The following AGPAT4 variants were observed in gnomAD, a reference collection of about 807,000 sequenced individuals.
AGPAT4 encodes 1-acyl-sn-glycerol-3-phosphate acyltransferase delta.
AGPAT4 carries 15 observed loss-of-function variants against 48.0 expected under a neutral mutation model. That is an observed-to-expected ratio of 0.31 (90% CI 0.21 to 0.48). The LOEUF (loss-of-function observed/expected upper bound fraction) is 0.48. AGPAT4 is among the 20% of genes least tolerant of loss of function. The pLI is 0.99. For synonymous variants in AGPAT4, 178 were observed against 198.7 expected (o/e 0.90, Z 0.88); for missense variants, 314 against 482.5 (o/e 0.65, Z 3.27).
chr6:161,170,116 T>C (rs533074972), intron 2 of AGPAT4, among the ~76,000 whole-genome samples: 1 of 152,302 alleles, frequency 6.6e-6, no homozygotes, highest in East Asian at 1.9e-4. Flanking sequence ...CCCATTCTCA[T>C]GAGGCTCCCG....
chr6:161,207,840 G>A (rs1781419037), intron 2 of AGPAT4, among the ~76,000 whole-genome samples: 1 of 152,124 alleles, frequency 6.6e-6, no homozygotes, highest in South Asian at 2.1e-4. Flanking sequence ...AGGAGTTGCA[G>A]GGGAGAGAGG....
At chr6:161,153,837 C>A (rs1430330500) in intron 4 of AGPAT4, among the ~76,000 whole-genome samples, 1 of 142,278 alleles carries the variant, frequency 7.0e-6, no homozygotes, top group Non-Finnish European at 1.5e-5. Flanking sequence ...TCACACATAG[C>A]CCCAGGGTCA....
At chr6:161,203,729 C>T (rs1362333417) in intron 2 of AGPAT4, among the ~76,000 whole-genome samples, 2 of 152,068 alleles carry the variant, frequency 1.3e-5, no homozygotes, top group African/African-American at 2.4e-5. Context: ...AGCCACAGCG[C>T]CTGGCTGGGA....
rs938822592 is a variant in AGPAT4, at chr6:161,189,638, C to G, written c.179-23221G>C. On this transcript the variant is annotated intron_variant, in intron 2 of 8. Coordinates refer to ENST00000320285, the MANE Select transcript of AGPAT4 (RefSeq NM_020133.3). The surrounding 1 kb of genome is among the most constrained non-coding windows in gnomAD (Gnocchi z 5.3). ...GTCTGTGCTGTACACTTGCACACGG[C>G]AGATCCAGGCCAGCTGCACATCCGT... Among the ~76,000 whole-genome samples, 12 of 152,280 alleles carry G rather than the reference C, an allele frequency of 7.9e-5. No individual in the cohort carries two copies. Among genetic ancestry groups the G allele is most frequent in the African/African-American group, 2.6e-4 (11 of 41,560 alleles).
chr6:161,273,800 C>G (rs955026511), intron 1 of AGPAT4, 138 bp downstream of exon 1: 1 of 149,432 alleles, frequency 6.7e-6, no homozygotes. Flanking sequence ...GCACTCCCCC[C>G]CCGCCCCCGG....
At position 161,218,587 on chromosome 6, in the gene AGPAT4, A is replaced by T. The variant is rs1167836971; in HGVS notation, c.178+13449T>A. Among the ~76,000 whole-genome samples the T allele has an allele frequency of 6.6e-6, 1 of 152,234 alleles. No homozygotes were observed. Among genetic ancestry groups the T allele is most frequent in the Non-Finnish European group, 1.5e-5 (1 of 68,046 alleles). On this transcript the variant is annotated intron_variant, in intron 2 of 8. Transcript: ENST00000320285. The surrounding 1 kb of genome is among the most constrained non-coding windows in gnomAD (Gnocchi z 4.7). ...TCAGAAGCCAAGACTCCAGGCTCCA[A>T]GTGCGTGTTACCATAACACCGGGGC...
At chr6:161,199,860 T>C (rs1195766358) in intron 2 of AGPAT4, among the ~76,000 whole-genome samples, 1 of 152,184 alleles carries the variant, frequency 6.6e-6, no homozygotes, top group African/African-American at 2.4e-5. Context: ...AAACCCCTTT[T>C]CTTCATAAAT....
chr6:161,155,709 C>T lies in AGPAT4; in HGVS notation c.349-1399G>A, dbSNP rs911824159. Among the ~76,000 whole-genome samples the T allele has an allele frequency of 5.9e-5, 9 of 152,296 alleles. No individual in the cohort carries two copies. The highest frequency in any genetic ancestry group is 1.9e-4 in the African/African-American group (8 of 41,572). ...AAAACTTAGCCATGAAATCGGAGGC[C>T]CTATCTCCAGGGGACTCCGGGAACA... On this transcript the variant is annotated intron_variant, in intron 3 of 8. Coordinates refer to ENST00000320285, the MANE Select transcript of AGPAT4 (RefSeq NM_020133.3). This position sits in a 1 kb window ranked among gnomAD's most constrained non-coding sequence, Gnocchi z 5.8.
rs16892196 is a variant in AGPAT4, at chr6:161,137,066, C to T, written c.1043-432G>A. 6.6e-6 allele frequency among the ~76,000 whole-genome samples: 1 copy of T among 152,104 alleles called. No individual in the cohort carries two copies. Among genetic ancestry groups the T allele is most frequent in the Non-Finnish European group, 1.5e-5 (1 of 68,012 alleles). Reference sequence around the variant, plus strand: ...GACGCAAGAGCTCGAGTATCGAGTGCCCAACACGTTTCAGCACTGCTTTTG... The same window carrying T: ...GACGCAAGAGCTCGAGTATCGAGTGTCCAACACGTTTCAGCACTGCTTTTG... On this transcript the variant is annotated intron_variant, in intron 8 of 8. Coordinates refer to ENST00000320285, the MANE Select transcript of AGPAT4 (RefSeq NM_020133.3). This position sits in a 1 kb window ranked among gnomAD's most constrained non-coding sequence, Gnocchi z 6.1.
chr6:161,237,857 T>A (rs991773559), intron 1 of AGPAT4, among the ~76,000 whole-genome samples: 1 of 152,056 alleles, frequency 6.6e-6, no homozygotes, highest in African/African-American at 2.4e-5. Context: ...ATGATGGGCA[T>A]ATGCCACAAA....
chr6:161,151,380 C>A (rs557791536), intron 5 of AGPAT4, among the ~76,000 whole-genome samples: 1 of 152,246 alleles, frequency 6.6e-6, no homozygotes, highest in South Asian at 2.1e-4. Context: ...GCCTTGTTAA[C>A]TCTCCGTGAT....
At position 161,232,961 on chromosome 6, in the gene AGPAT4, A is replaced by T. The variant is rs1279983499; in HGVS notation, c.-89-659T>A. 1.3e-5 allele frequency among the ~76,000 whole-genome samples: 2 copies of T among 152,182 alleles called. No individual in the cohort carries two copies. The highest frequency in any genetic ancestry group is 2.9e-5 in the Non-Finnish European group (2 of 68,038). On this transcript the variant is annotated intron_variant, in intron 1 of 8. Transcript: ENST00000320285. The surrounding 1 kb of genome is among the most constrained non-coding windows in gnomAD (Gnocchi z 6.8). Reference sequence around the variant, plus strand: ...TGGCACAGGGTGGGAACTTAATTTTAAAAAATATTTGTAGAATGATTTAGT... The same window carrying T: ...TGGCACAGGGTGGGAACTTAATTTTTAAAAATATTTGTAGAATGATTTAGT...
At chr6:161,257,141 G>A (rs1782965183) in intron 1 of AGPAT4, among the ~76,000 whole-genome samples, 2 of 152,214 alleles carry the variant, frequency 1.3e-5, no homozygotes, top group Admixed American at 1.3e-4. Context: ...CAGGATAAAA[G>A]TAGTAAACTT....
At chr6:161,163,680 C>CTCT (rs1780004652) in intron 3 of AGPAT4, among the ~76,000 whole-genome samples, 1 of 152,178 alleles carries the variant, frequency 6.6e-6, no homozygotes, top group Non-Finnish European at 1.5e-5. Flanking sequence ...CTCTCTAGCT[C>CTCT]CTTGCTTTGT....
At chr6:161,157,483 T>C (rs1779795840) in intron 3 of AGPAT4, among the ~76,000 whole-genome samples, 1 of 152,162 alleles carries the variant, frequency 6.6e-6, no homozygotes, top group Admixed American at 6.5e-5. Flanking sequence ...TGGCTAATTT[T>C]AGTATTTTTT....
In AGPAT4 at chr6:161,166,151, T is replaced by C; in HGVS notation, c.348+97A>G. 1.4e-6 allele frequency: 2 copies of C among 1,476,460 alleles called. No individual in the cohort carries two copies. The highest frequency in any genetic ancestry group is 1.8e-6 in the Non-Finnish European group (2 of 1,083,384). 91.5% of individuals were successfully genotyped at this position (1,476,460 alleles called of 1,614,324 possible). On this transcript the variant is annotated intron_variant, in intron 3 of 8. Coordinates refer to ENST00000320285, the MANE Select transcript of AGPAT4 (RefSeq NM_020133.3). This position sits in a 1 kb window ranked among gnomAD's most constrained non-coding sequence, Gnocchi z 6.7. ...TTCATCAAGTAGAAACTCTGTTGATTCTTCTGCAAGTTCTGAATGACCAGG... is the reference window on the plus strand; with the variant it reads ...TTCATCAAGTAGAAACTCTGTTGATCCTTCTGCAAGTTCTGAATGACCAGG...
In AGPAT4 at chr6:161,136,466, G is replaced by A. The variant is rs554831925; in HGVS notation, c.*74C>T. On this transcript the variant is annotated 3_prime_UTR_variant, in exon 9 of 9. Coordinates refer to ENST00000320285, the MANE Select transcript of AGPAT4 (RefSeq NM_020133.3). ...AGGGGCTCACCCAGCCTTTGTCACC[G>A]TGTCCCACTAAGGAGGATATGCAGA... 75 of 1,370,974 alleles carry A rather than the reference G, an allele frequency of 5.5e-5. 2 individuals carry two copies. Among genetic ancestry groups the A allele is most frequent in the South Asian group, 1.5e-4 (13 of 84,112 alleles). 84.9% of individuals were successfully genotyped at this position (1,370,974 alleles called of 1,614,324 possible). A position where few individuals can be genotyped will look rare whatever the true frequency, so the allele number is the denominator to read the frequency against.
At position 161,232,267 on chromosome 6, in the gene AGPAT4, C is replaced by T; in HGVS notation, c.-54G>A. 6.5e-7 allele frequency: 1 copy of T among 1,538,662 alleles called. No homozygotes were observed. The highest frequency in any genetic ancestry group is 8.8e-7 in the Non-Finnish European group (1 of 1,132,906). ...AATAACTACCCACAGTCAAAGATTT[C>T]CAGAAGGAAGAAAGATCCAGGACTC... On this transcript the variant is annotated 5_prime_UTR_variant, in exon 2 of 9. Transcript: ENST00000320285. This position sits in a 1 kb window ranked among gnomAD's most constrained non-coding sequence, Gnocchi z 6.8.
Position 161,133,618 on chromosome 6 carries a change from G to A in AGPAT4, c.*2922C>T, listed in dbSNP as rs540805641. ...AGAGTCCCCGTGGGCTGGCTTTCCT[G>A]GAAGAAGTCCATTAAATTCCCTGCT... On this transcript the variant is annotated 3_prime_UTR_variant, in exon 9 of 9. Coordinates refer to ENST00000320285, the MANE Select transcript of AGPAT4 (RefSeq NM_020133.3). The A allele has an allele frequency of 3.3e-5, 5 of 152,324 alleles. No individual in the cohort carries two copies. The East Asian group carries it at 9.7e-4, about 29-fold the overall frequency. 9.4% of individuals were successfully genotyped at this position (152,324 alleles called of 1,614,324 possible).
Sources: allele counts gnomAD v4.1 joint callset (sites outside exome capture counted in the v4.1 genomes callset), GRCh38; gene constraint gnomAD v4.1.1; non-coding constraint Gnocchi (gnomAD v3.1); transcripts MANE v1.5; gene names NCBI Gene and HGNC (gene_info 2026-07-23, HGNC 2026-07-21).